Variants in NTNG1 observed in about 807,000 individuals in gnomAD.
NTNG1 encodes netrin-G1.
A neutral mutation model predicts 54.0 loss-of-function variants in NTNG1; 16 were observed. The ratio of observed to expected loss-of-function variants is 0.30; its 90% CI spans 0.20 to 0.45. The LOEUF (loss-of-function observed/expected upper bound fraction) is 0.45. Among genes scored for constraint, NTNG1 ranks in the 20% least tolerant of loss-of-function variants. NTNG1 has a pLI of 1.00. For synonymous variants in NTNG1, 255 were observed against 263.1 expected, an observed-to-expected ratio of 0.97 and a Z score of 0.30; for missense variants, 530 against 678.7, an observed-to-expected ratio of 0.78 and a Z score of 2.43.
intron 2 of NTNG1, among the ~76,000 whole-genome samples, chr1:107,160,481 G>C (rs571181529): frequency 6.6e-6 from 1 of 151,876 alleles, no homozygotes; most frequent in Non-Finnish European, 1.5e-5. Flanking sequence ...TCCTACTTTT[G>C]TCCTACTATC....
intron 3 of NTNG1, among the ~76,000 whole-genome samples, chr1:107,360,980 A>G (rs535902495): frequency 4.6e-5 from 7 of 151,896 alleles, no homozygotes; most frequent in African/African-American, 1.2e-4. Context: ...TGTAACTGCT[A>G]TCTCACTTCT....
chr1:107,264,564 C>T (rs1176228516), intron 2 of NTNG1, among the ~76,000 whole-genome samples: 1 of 152,136 alleles, frequency 6.6e-6, no homozygotes, highest in Non-Finnish European at 1.5e-5. Context: ...TATCATACTG[C>T]CCTCTATTCT....
At chr1:107,267,115 C>T (rs1407357458) in intron 2 of NTNG1, among the ~76,000 whole-genome samples, 1 of 152,144 alleles carries the variant, frequency 6.6e-6, no homozygotes, top group Non-Finnish European at 1.5e-5. Flanking sequence ...TTCAGTTGTG[C>T]ATTGGGAGAC....
intron 2 of NTNG1, among the ~76,000 whole-genome samples, chr1:107,184,561 T>A (rs1657311493): frequency 6.6e-6 from 1 of 152,094 alleles, no homozygotes; most frequent in East Asian, 1.9e-4. Flanking sequence ...TGGAGTTCCT[T>A]TAAAAAAACT....
At position 107,404,882 on chromosome 1, in the gene NTNG1, A is replaced by C. The variant is rs993349975; in HGVS notation, c.1061-2800A>C. ...CATGGTAGTTGTCAATTCACAGAGA[A>C]TGCTAAAAAACTGCCAACATGTGCC... On this transcript the variant is annotated intron_variant, in intron 4 of 7. Transcript: ENST00000370068. Among the ~76,000 whole-genome samples, 3 of 152,142 alleles carry C rather than the reference A, an allele frequency of 2.0e-5. 1 individual carries two copies. The highest frequency in any genetic ancestry group is 4.4e-5 in the Non-Finnish European group (3 of 68,020).
chr1:107,297,863 A>G (rs1177246088), intron 2 of NTNG1, among the ~76,000 whole-genome samples: 1 of 152,120 alleles, frequency 6.6e-6, no homozygotes, highest in African/African-American at 2.4e-5. Context: ...TTTATTCCTA[A>G]TGCAATAAAA....
At chr1:107,381,348 T>TAAAAAAAA (rs10598493) in intron 3 of NTNG1, among the ~76,000 whole-genome samples, 6 of 51,656 alleles carry the variant, frequency 1.2e-4, no homozygotes, top group East Asian at 6.8e-4. Context: ...TCTCTTTAAC[T>TAAAAAAAA]AAAAAAAAAA....
intron 7 of NTNG1, among the ~76,000 whole-genome samples, chr1:107,468,861 G>T (rs1475212272): frequency 6.6e-6 from 1 of 152,156 alleles, no homozygotes; most frequent in African/African-American, 2.4e-5. Context: ...ACTTTGGGAG[G>T]CCAAGGTGGG....
chr1:107,244,807 C>T (rs1412100973), intron 2 of NTNG1, among the ~76,000 whole-genome samples: 1 of 152,126 alleles, frequency 6.6e-6, no homozygotes, highest in Admixed American at 6.5e-5. Flanking sequence ...AGGACCTTGA[C>T]TGTGGCACGG....
At chr1:107,323,447 G>A (rs1667767604) in intron 2 of NTNG1, among the ~76,000 whole-genome samples, 1 of 152,096 alleles carries the variant, frequency 6.6e-6, no homozygotes, top group Non-Finnish European at 1.5e-5. Flanking sequence ...ATTTGTTAAA[G>A]GTAGAATAAT....
intron 3 of NTNG1, among the ~76,000 whole-genome samples, chr1:107,391,891 A>C (rs922108708): frequency 6.6e-6 from 1 of 152,116 alleles, no homozygotes; most frequent in African/African-American, 2.4e-5. Context: ...TTTGGAGGGG[A>C]CAAAATATCC....
At chr1:107,243,341 G>C (rs1384641024) in intron 2 of NTNG1, among the ~76,000 whole-genome samples, 2 of 152,230 alleles carry the variant, frequency 1.3e-5, no homozygotes, top group Admixed American at 1.3e-4. Context: ...AAATGAACAC[G>C]AATAGGGACT....
intron 7 of NTNG1, among the ~76,000 whole-genome samples, chr1:107,471,585 A>T (rs1454181643): frequency 6.6e-6 from 1 of 152,214 alleles, no homozygotes; most frequent in Non-Finnish European, 1.5e-5. Context: ...GAGAGTGCAC[A>T]TTGAATGAGA....
At chr1:107,265,001 TC>T (rs1355078652) in intron 2 of NTNG1, among the ~76,000 whole-genome samples, 1 of 152,158 alleles carries the variant, frequency 6.6e-6, no homozygotes, top group African/African-American at 2.4e-5. Flanking sequence ...TTTGTTCACC[TC>T]CCCCCGTCAG....
chr1:107,356,826 A>T (rs1352430418), intron 3 of NTNG1, among the ~76,000 whole-genome samples: 2 of 151,966 alleles, frequency 1.3e-5, no homozygotes, highest in Non-Finnish European at 2.9e-5. Context: ...AACATGGCAA[A>T]ACACTGTCTC....
chr1:107,324,973 A>G (rs763981212), intron 3 of NTNG1, 51 bp downstream of exon 3: 1 of 1,513,436 alleles, frequency 6.6e-7, no homozygotes, highest in Non-Finnish European at 8.9e-7. Context: ...TCCAAAGAAA[A>G]TGCCAGAGTG....
chr1:107,295,139 A>C (rs1466977709), intron 2 of NTNG1, among the ~76,000 whole-genome samples: 1 of 152,230 alleles, frequency 6.6e-6, no homozygotes, highest in African/African-American at 2.4e-5. Context: ...TGGGATGTGC[A>C]GAAGAATCAC....
At chr1:107,443,273 G>A (rs989646966) in intron 7 of NTNG1, among the ~76,000 whole-genome samples, 3 of 152,100 alleles carry the variant, frequency 2.0e-5, no homozygotes, top group Non-Finnish European at 2.9e-5. Context: ...CCCACTAACC[G>A]TGTTCTCAGT....
chr1:107,197,063 G>T (rs72697695), intron 2 of NTNG1, among the ~76,000 whole-genome samples: 2 of 152,090 alleles, frequency 1.3e-5, no homozygotes, highest in East Asian at 3.9e-4. Context: ...AAGTTTTAGC[G>T]TATAAAAGTT....
Sources: gnomAD v4.1 joint callset for allele counts (sites outside exome capture counted in the v4.1 genomes callset) on GRCh38, gnomAD v4.1.1 for gene constraint, MANE v1.5 for transcripts, NCBI Gene and HGNC (gene_info 2026-07-23, HGNC 2026-07-21) for gene names.